TRPV4: variants seen among roughly 807,000 people sequenced by gnomAD.
TRPV4 encodes the protein transient receptor potential cation channel subfamily V member 4, also known as OSM9-like transient receptor potential channel 4.
A neutral mutation model predicts 84.1 loss-of-function variants in TRPV4; 58 were observed. The ratio of observed to expected loss-of-function variants is 0.69; its 90% CI spans 0.56 to 0.86. TRPV4 has a LOEUF of 0.86. Ranked by LOEUF, TRPV4 falls within the 40% of genes least tolerant of loss-of-function variation. TRPV4 has a pLI of 0.00. For missense variants in TRPV4, 879 were observed against 1,181.1 expected (o/e 0.74, Z 3.75); for synonymous variants, 489 against 500.9 (o/e 0.98, Z 0.32).
intron 10 of TRPV4, 103 bp from the exon 11 acceptor site, chr12:109,792,920 C>T (rs1890138115): frequency 8.4e-7 from 1 of 1,191,412 alleles, no homozygotes; most frequent in South Asian, 1.3e-5. Flanking sequence ...ATCAGGACTT[C>T]CCAATGCCTT....
At chr12:109,805,917 G>C (rs1007219430) in intron 3 of TRPV4, among the ~76,000 whole-genome samples, 2 of 152,202 alleles carry the variant, frequency 1.3e-5, no homozygotes, top group African/African-American at 4.8e-5. Context: ...AAGCTAGCCT[G>C]GTGCTGAAGG....
Position 109,783,570 on chromosome 12 carries a change from C to A in TRPV4, c.*51G>T. The A allele has an allele frequency of 1.3e-6, 2 of 1,589,468 alleles. No individual in the cohort carries two copies. The highest frequency in any genetic ancestry group is 1.7e-6 in the Non-Finnish European group (2 of 1,166,350). ...CACCCCAGAAGGCACTGCTGAAATG[C>A]GGCTGGACTAGAAATGAGTGGGCAG... On this transcript the variant is annotated 3_prime_UTR_variant, in exon 16 of 16. Transcript: ENST00000261740. The surrounding 1 kb of genome is among the most constrained non-coding windows in gnomAD (Gnocchi z 4.6).
intron 1 of TRPV4, among the ~76,000 whole-genome samples, chr12:109,822,698 C>T (rs1044330170): frequency 2.0e-5 from 3 of 152,154 alleles, no homozygotes; most frequent in Non-Finnish European, 2.9e-5. Flanking sequence ...CAGTCCCTGA[C>T]GAACCACCAG....
At position 109,808,278 on chromosome 12, in the gene TRPV4, C is replaced by T; in HGVS notation, c.559+18G>A. ...ACCCCTGGCTGTCCCACTGGCTATG[C>T]CCATCTGGGTGGCTCACCTCGAAAC... is the stretch of plus-strand genomic sequence containing the variant. On this transcript the variant is annotated intron_variant, in intron 3 of 15. Transcript: ENST00000261740. 3 of 1,613,682 alleles carry T rather than the reference C, an allele frequency of 1.9e-6. No individual in the cohort carries two copies. Among genetic ancestry groups the T allele is most frequent in the Non-Finnish European group, 2.5e-6 (3 of 1,179,800 alleles).
intron 1 of TRPV4, among the ~76,000 whole-genome samples, chr12:109,825,824 G>A (rs1892238226): frequency 1.3e-5 from 2 of 152,326 alleles, no homozygotes; most frequent in South Asian, 4.1e-4. Flanking sequence ...TGGGGCAGGA[G>A]TCGGGGAAGG....
intron 1 of TRPV4, among the ~76,000 whole-genome samples, chr12:109,818,249 C>T (rs1243826292): frequency 6.6e-6 from 1 of 152,130 alleles, no homozygotes; most frequent in Non-Finnish European, 1.5e-5. Flanking sequence ...GGAAGCTCGG[C>T]CACCTCACCA....
In TRPV4 at chr12:109,803,349, G is replaced by A. The variant is rs187430336; in HGVS notation, c.560-206C>T. On this transcript the variant is annotated intron_variant, in intron 3 of 15. Transcript: ENST00000261740. ...GTGGTGCTGAGAGGGTACAATAAACGCATGGGGTTAGGTGCTTTGAAATGT... is the reference window on the plus strand; with the variant it reads ...GTGGTGCTGAGAGGGTACAATAAACACATGGGGTTAGGTGCTTTGAAATGT... Among the ~76,000 whole-genome samples, 384 of 152,310 alleles carry A rather than the reference G, an allele frequency of 2.5e-3. 2 individuals carry two copies. Among genetic ancestry groups the A allele is most frequent in the Middle Eastern group, 6.8e-3 (2 of 294 alleles).
In TRPV4 at chr12:109,798,608, A is replaced by C. The variant is rs1338437648; in HGVS notation, c.1152+6T>G. On this transcript the variant is annotated splice_donor_region_variant and intron_variant, in intron 6 of 15. Coordinates refer to ENST00000261740, the MANE Select transcript of TRPV4 (RefSeq NM_021625.5). The surrounding 1 kb of genome is among the most constrained non-coding windows in gnomAD (Gnocchi z 5.0). ...GGATCAGCTGTGCCCCCAGCCGCAC[A>C]CTCACCCCAATCTTGCCCGTCTTGG... 1 of 1,610,290 alleles carries C rather than the reference A, an allele frequency of 6.2e-7. No individual in the cohort carries two copies. The highest frequency in any genetic ancestry group is 1.1e-5 in the South Asian group (1 of 91,068).
chr12:109,800,729 GCT>G lies in TRPV4; in HGVS notation c.740_741del (p.Glu247AlafsTer16). 1 of 1,613,972 alleles carries G rather than the reference GCT, an allele frequency of 6.2e-7. No individual in the cohort carries two copies. Among genetic ancestry groups the G allele is most frequent in the Non-Finnish European group, 8.5e-7 (1 of 1,180,022 alleles). On this transcript the variant is annotated frameshift_variant, in exon 5 of 16. Coordinates refer to ENST00000261740, the MANE Select transcript of TRPV4 (RefSeq NM_021625.5). LOFTEE classifies it high-confidence loss of function. ...AGTTCCACGTAGTGTTTGCAGCGAC[GCT>G]CAATGGCGATGTGCAGGGCTGTCTG... The part of the protein sequence containing the change: ...RGQTALHIAI[E>X]RRCKHYVELL...
At chr12:109,820,220 G>C (rs1188950345) in intron 1 of TRPV4, among the ~76,000 whole-genome samples, 1 of 152,132 alleles carries the variant, frequency 6.6e-6, no homozygotes, top group Non-Finnish European at 1.5e-5. Context: ...ATGGTGTTAA[G>C]AACTGCATAG....
intron 4 of TRPV4, 79 bp downstream of exon 4, chr12:109,802,912 A>G: frequency 6.6e-7 from 1 of 1,514,758 alleles, no homozygotes. Flanking sequence ...GCCCAGATCA[A>G]AAGTCTCAGG....
intron 14 of TRPV4, among the ~76,000 whole-genome samples, chr12:109,785,334 C>A (rs1196263058): frequency 6.6e-6 from 1 of 152,074 alleles, no homozygotes; most frequent in Non-Finnish European, 1.5e-5. Flanking sequence ...GTACACATAG[C>A]CCACATTTTG....
intron 1 of TRPV4, among the ~76,000 whole-genome samples, chr12:109,819,387 A>G (rs562190576): frequency 6.6e-6 from 1 of 152,248 alleles, no homozygotes; most frequent in Non-Finnish European, 1.5e-5. Flanking sequence ...GTGAGCAGGC[A>G]TGGTGGGCCC....
intron 7 of TRPV4, among the ~76,000 whole-genome samples, chr12:109,794,956 T>G: frequency 6.6e-6 from 1 of 152,166 alleles, no homozygotes; most frequent in East Asian, 1.9e-4. Flanking sequence ...AGGCGGAGAT[T>G]GCAGTGAGCC....
chr12:109,788,921 A>G (rs993872321), intron 12 of TRPV4, among the ~76,000 whole-genome samples: 1 of 152,204 alleles, frequency 6.6e-6, no homozygotes, highest in African/African-American at 2.4e-5. Flanking sequence ...AAGCCTTTCC[A>G]TAAACTCTTG....
rs116684841 is a variant in TRPV4 at position 109,829,587 on chromosome 12, C to T, written c.-32+3763G>A. Among the ~76,000 whole-genome samples the T allele has an allele frequency of 3.4e-3, 524 of 152,310 alleles. 5 individuals are homozygous for T. The highest frequency in any genetic ancestry group is 0.012 in the African/African-American group (500 of 41,556). On this transcript the variant is annotated intron_variant, in intron 1 of 15. Coordinates refer to ENST00000261740, the MANE Select transcript of TRPV4 (RefSeq NM_021625.5). The stretch of plus-strand genomic sequence containing the variant: ...GGGGGATAAGCTGGAAGAAAACATG[C>T]CCTGGAATGGGCCTGGGGACAAGGG...
intron 4 of TRPV4, 49 bp from the exon 5 acceptor site, chr12:109,800,807 GC>G: frequency 6.5e-7 from 1 of 1,543,484 alleles, no homozygotes; most frequent in South Asian, 1.1e-5. Context: ...CAGAGACCTA[GC>G]CAGGCTTGCT....
At chr12:109,817,928 C>T (rs1192419983) in intron 1 of TRPV4, among the ~76,000 whole-genome samples, 2 of 152,144 alleles carry the variant, frequency 1.3e-5, no homozygotes, top group Non-Finnish European at 2.9e-5. Context: ...CCCCACACCA[C>T]AAAAAAATGA....
At chr12:109,784,685 A>G (rs112206027) in intron 14 of TRPV4, among the ~76,000 whole-genome samples, 16 of 148,998 alleles carry the variant, frequency 1.1e-4, no homozygotes, top group Non-Finnish European at 1.9e-4. Context: ...AAAAAAAATT[A>G]AAAAAAAAAT....
Sources: allele counts gnomAD v4.1 joint callset (sites outside exome capture counted in the v4.1 genomes callset), GRCh38; gene constraint gnomAD v4.1.1; non-coding constraint Gnocchi (gnomAD v3.1); transcripts MANE v1.5; gene names NCBI Gene and HGNC (gene_info 2026-07-23, HGNC 2026-07-21).